Variants in CDH10 observed in about 807,000 individuals in gnomAD.
CDH10 encodes cadherin 10, also known as cadherin-10.
Under a neutral mutation model 73.1 loss-of-function variants are expected in CDH10, and 30 were observed. The observed-to-expected ratio is 0.41, with a 90% CI of 0.31 to 0.56. CDH10 has a LOEUF of 0.56. CDH10 is among the 20% of genes least tolerant of loss of function. The pLI is 0.27. For missense variants in CDH10, 815 were observed against 973.7 expected (o/e 0.84, Z 2.17); for synonymous variants, 345 against 348.2 (o/e 0.99, Z 0.10).
At chr5:24,572,926 T>A in intron 2 of CDH10, among the ~76,000 whole-genome samples, 1 of 90,122 alleles carries the variant, frequency 1.1e-5, no homozygotes, top group African/African-American at 3.8e-5. Flanking sequence ...ATAATTGTAC[T>A]TAGAAAAAGA....
chr5:24,520,857 G>C (rs1041126844), intron 5 of CDH10, among the ~76,000 whole-genome samples: 3 of 151,774 alleles, frequency 2.0e-5, no homozygotes, highest in Non-Finnish European at 1.5e-5. Context: ...CTCCCAAATA[G>C]CTGGGATTAC....
chr5:24,589,131 C>T (rs1207347566), intron 2 of CDH10, among the ~76,000 whole-genome samples: 1 of 152,082 alleles, frequency 6.6e-6, no homozygotes, highest in Non-Finnish European at 1.5e-5. Flanking sequence ...GGAGTGGTAC[C>T]TAGAAGGTCC....
intron 1 of CDH10, among the ~76,000 whole-genome samples, chr5:24,629,811 T>C (rs942150866): frequency 2.0e-5 from 3 of 152,170 alleles, no homozygotes; most frequent in African/African-American, 7.2e-5. Context: ...TGCAGAACTA[T>C]GAGTCAATTA....
chr5:24,626,647 A>C, intron 1 of CDH10, among the ~76,000 whole-genome samples: 1 of 151,874 alleles, frequency 6.6e-6, no homozygotes, highest in Non-Finnish European at 1.5e-5. Context: ...GTACTGGCAT[A>C]CACCTGTAAT....
chr5:24,542,920 A>G (rs1195602986), intron 2 of CDH10, among the ~76,000 whole-genome samples: 1 of 152,180 alleles, frequency 6.6e-6, no homozygotes, highest in African/African-American at 2.4e-5. Flanking sequence ...CCATCACCTT[A>G]GGAGTTAGGA....
chr5:24,500,177 TTAC>T (rs1413553034), intron 8 of CDH10, among the ~76,000 whole-genome samples: 2 of 152,150 alleles, frequency 1.3e-5, no homozygotes, highest in Non-Finnish European at 2.9e-5. Flanking sequence ...AGGAAGTATA[TTAC>T]TACTAAAAAT....
At chr5:24,562,576 C>G (rs1744997923) in intron 2 of CDH10, among the ~76,000 whole-genome samples, 1 of 152,068 alleles carries the variant, frequency 6.6e-6, no homozygotes, top group Non-Finnish European at 1.5e-5. Flanking sequence ...TGTATTTTAT[C>G]TTATTATTTC....
chr5:24,642,993 G>T (rs1357963791), intron 1 of CDH10, among the ~76,000 whole-genome samples: 1 of 147,434 alleles, frequency 6.8e-6, no homozygotes, highest in Non-Finnish European at 1.5e-5. Flanking sequence ...AAAAAAAAGT[G>T]AAAGAAGTAT....
intron 2 of CDH10, among the ~76,000 whole-genome samples, chr5:24,582,334 T>G (rs866114154): frequency 7.9e-5 from 12 of 152,206 alleles, no homozygotes; most frequent in African/African-American, 2.9e-4. Flanking sequence ...GACAAAAGAT[T>G]ATCTGAACTA....
rs977861772 is a variant in CDH10 at position 24,629,963 on chromosome 5, T to G, written c.-124+14631A>C. ...GTCATTTAATCTTTCAATTACTCAA[T>G]GTTAGTATACCTGTCTGTAAAATGC... is the stretch of plus-strand genomic sequence containing the variant. On this transcript the variant is annotated intron_variant, in intron 1 of 11. Coordinates refer to ENST00000264463, the MANE Select transcript of CDH10 (RefSeq NM_006727.5). 4.6e-5 allele frequency among the ~76,000 whole-genome samples: 7 copies of G among 152,152 alleles called. No individual in the cohort carries two copies. In the East Asian group the frequency reaches 7.7e-4, roughly 17 times the overall value.
rs183953174 is a variant in CDH10, at chr5:24,605,450, A to T, written c.-123-11837T>A. Among the ~76,000 whole-genome samples, 932 of 152,326 alleles carry T rather than the reference A, an allele frequency of 6.1e-3. 36 individuals carry two copies. Among genetic ancestry groups the T allele is most frequent in the Admixed American group, 0.054 (824 of 15,298 alleles). ...TTTGCACACTCCTTATGAGAATCTC[A>T]TGGCTGATTGCCTGACAATCTGAGG... On this transcript the variant is annotated intron_variant, in intron 1 of 11. Transcript: ENST00000264463.
chr5:24,554,790 C>A (rs1228829798), intron 2 of CDH10, among the ~76,000 whole-genome samples: 1 of 152,062 alleles, frequency 6.6e-6, no homozygotes, highest in African/African-American at 2.4e-5. Context: ...AGAAATTGCA[C>A]TTTTCCTTTT....
chr5:24,563,359 TACAG>T (rs57723767), intron 2 of CDH10, among the ~76,000 whole-genome samples: 69,199 of 151,004 alleles, frequency 0.46, 17,770 homozygotes, highest in African/African-American at 0.71. Flanking sequence ...CTTACGCCTT[TACAG>T]ACAGTGATAT....
At chr5:24,626,793 T>TAC (rs397956746) in intron 1 of CDH10, among the ~76,000 whole-genome samples, 1 of 129,610 alleles carries the variant, frequency 7.7e-6, no homozygotes, top group Non-Finnish European at 1.7e-5. Flanking sequence ...TATATATATA[T>TAC]GTGTGTGTGT....
At chr5:24,535,859 C>G (rs745582411) in intron 3 of CDH10, 37 bp from the exon 4 acceptor site, 1 of 1,493,134 alleles carries the variant, frequency 6.7e-7, no homozygotes, top group Non-Finnish European at 9.0e-7. Flanking sequence ...CTGCACAGTA[C>G]CAGAAGGAGG....
At chr5:24,608,122 A>C (rs1210733299) in intron 1 of CDH10, among the ~76,000 whole-genome samples, 1 of 152,162 alleles carries the variant, frequency 6.6e-6, no homozygotes, top group African/African-American at 2.4e-5. Context: ...CTTATATTAA[A>C]AAAAGATTGC....
chr5:24,510,497 ATAT>A (rs1281888957), intron 6 of CDH10, among the ~76,000 whole-genome samples: 2 of 152,182 alleles, frequency 1.3e-5, no homozygotes, highest in Non-Finnish European at 1.5e-5. Flanking sequence ...CAGATAAATG[ATAT>A]TATTAGTTCA....
intron 2 of CDH10, among the ~76,000 whole-genome samples, chr5:24,581,809 T>C (rs188037398): frequency 6.6e-6 from 1 of 152,280 alleles, no homozygotes; most frequent in Non-Finnish European, 1.5e-5. Flanking sequence ...CCCTTAAAAA[T>C]TGTGTTTATT....
chr5:24,586,964 CCTCCCGAGTAG>C (rs1396155140), intron 2 of CDH10, among the ~76,000 whole-genome samples: 6 of 150,206 alleles, frequency 4.0e-5, no homozygotes, highest in Admixed American at 6.7e-5. Flanking sequence ...CCTGCTTCAG[CCTCCCGAGTAG>C]CTGGGACTAC....
Sources: gnomAD v4.1 joint callset for allele counts (sites outside exome capture counted in the v4.1 genomes callset) on GRCh38, gnomAD v4.1.1 for gene constraint, MANE v1.5 for transcripts, NCBI Gene and HGNC (gene_info 2026-07-23, HGNC 2026-07-21) for gene names.